ASAP2: variants seen among roughly 807,000 people sequenced by gnomAD.
ASAP2 encodes ArfGAP with SH3 domain, ankyrin repeat and PH domain 2.
In ASAP2, 45 loss-of-function variants were observed where a neutral mutation model predicts 131.4. The observed-to-expected ratio is 0.34, with a 90% CI of 0.27 to 0.44. ASAP2 has a LOEUF of 0.44. ASAP2 is among the 20% of genes least tolerant of loss of function. ASAP2 has a pLI of 1.00. For missense variants in ASAP2, 1,011 were observed against 1,297.0 expected (o/e 0.78, Z 3.39); for synonymous variants, 510 against 503.0 (o/e 1.01, Z -0.19).
chr2:9,339,655 C>T (rs1482685127), intron 9 of ASAP2, among the ~76,000 whole-genome samples: 1 of 152,154 alleles, frequency 6.6e-6, no homozygotes. Flanking sequence ...ATGGATACTG[C>T]TGCTGTCGTT....
At chr2:9,296,603 A>G (rs1482402930) in intron 2 of ASAP2, among the ~76,000 whole-genome samples, 1 of 152,290 alleles carries the variant, frequency 6.6e-6, no homozygotes, top group Admixed American at 6.5e-5. Flanking sequence ...GAAGATGAAT[A>G]CAACTTAGTC....
intron 1 of ASAP2, chr2:9,271,335 C>G (rs1471665345): frequency 1.9e-6 from 2 of 1,067,120 alleles, no homozygotes; most frequent in Non-Finnish European, 2.9e-6. Flanking sequence ...CCAAGCTCTA[C>G]GAGGAACTGG....
At chr2:9,378,915 GCTCT>G in intron 18 of ASAP2, 25 bp from the exon 19 acceptor site, 2 of 1,392,702 alleles carry the variant, frequency 1.4e-6, no homozygotes, top group Non-Finnish European at 1.9e-6. Context: ...GACACACTAT[GCTCT>G]CTCTCTGTTC....
intron 1 of ASAP2, among the ~76,000 whole-genome samples, chr2:9,208,254 T>C (rs1050500106): frequency 1.3e-5 from 2 of 150,580 alleles, no homozygotes; most frequent in African/African-American, 4.9e-5. Context: ...TGTGATTAAA[T>C]GTCTCTGGGC....
At chr2:9,362,625 G>A (rs1390683347) in intron 15 of ASAP2, among the ~76,000 whole-genome samples, 1 of 152,094 alleles carries the variant, frequency 6.6e-6, no homozygotes, top group African/African-American at 2.4e-5. Flanking sequence ...GATTGTTTGA[G>A]TCTGGGAGTT....
intron 9 of ASAP2, among the ~76,000 whole-genome samples, chr2:9,343,536 T>A (rs1215651741): frequency 6.6e-6 from 1 of 152,194 alleles, no homozygotes; most frequent in African/African-American, 2.4e-5. Flanking sequence ...AACCTCGATC[T>A]CCCAGGCTCA....
At chr2:9,348,116 C>CTGTT (rs200824083) in intron 11 of ASAP2, among the ~76,000 whole-genome samples, 24 of 150,232 alleles carry the variant, frequency 1.6e-4, no homozygotes, top group African/African-American at 6.0e-4. Context: ...ACTTTTTTGT[C>CTGTT]TGTTTGTTTG....
chr2:9,290,418 C>T (rs1355429927), intron 2 of ASAP2, among the ~76,000 whole-genome samples: 1 of 152,066 alleles, frequency 6.6e-6, no homozygotes, highest in Non-Finnish European at 1.5e-5. Flanking sequence ...CCCTGTTGGC[C>T]AGGCTGGTCT....
chr2:9,296,678 C>T (rs1203427491), intron 2 of ASAP2, among the ~76,000 whole-genome samples: 1 of 152,186 alleles, frequency 6.6e-6, no homozygotes, highest in Non-Finnish European at 1.5e-5. Context: ...ATATAACATG[C>T]TGAGTGCAAG....
intron 2 of ASAP2, among the ~76,000 whole-genome samples, chr2:9,296,068 TTGG>T (rs1456751827): frequency 6.6e-6 from 1 of 152,162 alleles, no homozygotes; most frequent in Non-Finnish European, 1.5e-5. Flanking sequence ...GATCTGTCCC[TTGG>T]TGGAGGAGCT....
chr2:9,302,925 C>G (rs985003867), intron 3 of ASAP2, among the ~76,000 whole-genome samples: 2 of 152,162 alleles, frequency 1.3e-5, no homozygotes, highest in Non-Finnish European at 2.9e-5. Context: ...GGCATCCTGG[C>G]TTGGCTGCAT....
In ASAP2 at chr2:9,379,072, G is replaced by A. The variant is rs10191814; in HGVS notation, c.1948+13G>A. ...TCCATCGAGATAGGTGAGTGGGCCC[G>A]GGCCCCGGGGGTGGGCTCAGCTGCA... is the stretch of plus-strand genomic sequence containing the variant. On this transcript the variant is annotated intron_variant, in intron 19 of 27. Coordinates refer to ENST00000281419, the MANE Select transcript of ASAP2 (RefSeq NM_003887.3). 0.013 allele frequency: 20,077 copies of A among 1,501,352 alleles called. 1,018 individuals carry two copies. The highest frequency in any genetic ancestry group is 0.12 in the African/African-American group (8,656 of 70,322). The allele number at this position is 1,501,352 out of a possible 1,614,324, so 93.0% of individuals were successfully genotyped here.
At chr2:9,299,337 A>G (rs1035600478) in intron 3 of ASAP2, among the ~76,000 whole-genome samples, 11 of 152,192 alleles carry the variant, frequency 7.2e-5, no homozygotes, top group Non-Finnish European at 5.9e-5. Flanking sequence ...TGGAAACGTT[A>G]TGGCATGGAG....
intron 3 of ASAP2, among the ~76,000 whole-genome samples, chr2:9,317,634 C>T (rs1669856364): frequency 6.6e-6 from 1 of 150,496 alleles, no homozygotes; most frequent in Non-Finnish European, 1.5e-5. Flanking sequence ...CCACACACAC[C>T]CATACACACA....
Position 9,327,838 on chromosome 2 carries a change from G to T in ASAP2, c.613G>T (p.Val205Phe), listed in dbSNP as rs762299640. The T allele has an allele frequency of 1.9e-6, 3 of 1,592,900 alleles. No individual in the cohort carries two copies. Among genetic ancestry groups the T allele is most frequent in the East Asian group, 2.3e-5 (1 of 43,704 alleles). Residue 205 changes from valine to phenylalanine, a missense_variant, in exon 7 of 28, where the codon GTC (valine) becomes TTC (phenylalanine). Coordinates refer to ENST00000281419, the MANE Select transcript of ASAP2 (RefSeq NM_003887.3). ...QLQMCEYLLK[V>F]NEIKIKKGVD... is the part of the protein sequence containing the mutation. ...CATTGTTCAACAGTATCTGCTGAAG[G>T]TCAACGAAATCAAGATTAAAAAGGG... is the stretch of plus-strand genomic sequence containing the variant.
At chr2:9,290,175 A>G (rs1667722035) in intron 2 of ASAP2, among the ~76,000 whole-genome samples, 1 of 152,088 alleles carries the variant, frequency 6.6e-6, no homozygotes, top group South Asian at 2.1e-4. Context: ...GCTTTGGGAG[A>G]GAAAGACATA....
At chr2:9,380,871 C>A in intron 20 of ASAP2, 63 bp downstream of exon 20, 1 of 1,532,436 alleles carries the variant, frequency 6.5e-7, no homozygotes, top group Non-Finnish European at 9.0e-7. Flanking sequence ...CCAAGCCTGT[C>A]CTCCTTGGGC....
At chr2:9,293,250 C>T (rs1667930391) in intron 2 of ASAP2, among the ~76,000 whole-genome samples, 1 of 152,092 alleles carries the variant, frequency 6.6e-6, no homozygotes, top group African/African-American at 2.4e-5. Flanking sequence ...GGGTTTCGTG[C>T]AGTGAGGTGG....
At chr2:9,369,388 G>T (rs1673756783) in intron 16 of ASAP2, among the ~76,000 whole-genome samples, 1 of 152,200 alleles carries the variant, frequency 6.6e-6, no homozygotes, top group African/African-American at 2.4e-5. Flanking sequence ...TCTTATCAGA[G>T]TGTCAGTGGC....
Sources: allele counts gnomAD v4.1 joint callset (sites outside exome capture counted in the v4.1 genomes callset), GRCh38; gene constraint gnomAD v4.1.1; transcripts MANE v1.5; gene names NCBI Gene and HGNC (gene_info 2026-07-23, HGNC 2026-07-21).